PATL2: variants seen among roughly 807,000 people sequenced by gnomAD.
PATL2 encodes the protein PAT1 homolog 2.
Under a neutral mutation model 77.0 loss-of-function variants are expected in PATL2, and 73 were observed. The observed-to-expected ratio is 0.95, with a 90% CI of 0.78 to 1.15. The LOEUF is 1.15. Ranked by LOEUF, PATL2 falls within the 50% of genes most tolerant of loss-of-function variation. The pLI is 0.00. For synonymous variants in PATL2, 265 were observed against 257.1 expected (o/e 1.03, Z -0.29); for missense variants, 618 against 655.4 (o/e 0.94, Z 0.62).
In PATL2 at chr15:44,673,224, C is replaced by T. The variant is rs1158909310; in HGVS notation, c.446+11G>A. 6.4e-7 allele frequency: 1 copy of T among 1,550,952 alleles called. No homozygotes were observed. Among genetic ancestry groups the T allele is most frequent in the Non-Finnish European group, 8.7e-7 (1 of 1,146,848 alleles). Reference sequence around the variant, plus strand: ...CTCCTGAGACCTCTGGGGAGAACCTCAAACCAGTACCTGAACCTAGGGGGC... The same window carrying T: ...CTCCTGAGACCTCTGGGGAGAACCTTAAACCAGTACCTGAACCTAGGGGGC... On this transcript the variant is annotated intron_variant, in intron 7 of 17. Transcript: ENST00000682850.
intron 3 of PATL2, among the ~76,000 whole-genome samples, chr15:44,699,977 T>C: frequency 6.6e-6 from 1 of 152,216 alleles, no homozygotes; most frequent in East Asian, 1.9e-4. Context: ...GTTTTGGCTG[T>C]TCTGGGCCTT....
intron 3 of PATL2, among the ~76,000 whole-genome samples, chr15:44,700,287 A>G (rs1028229626): frequency 1.3e-5 from 2 of 151,574 alleles, no homozygotes; most frequent in African/African-American, 2.4e-5. Flanking sequence ...CTGTACGTTG[A>G]TTTTCTTTTT....
rs573419363 is a variant in PATL2, at chr15:44,677,601, G to A, written c.-75-1036C>T. 5.9e-5 allele frequency among the ~76,000 whole-genome samples: 9 copies of A among 152,204 alleles called. No individual in the cohort carries two copies. The South Asian group carries it at 1.7e-3, about 28-fold the overall frequency. ...TCATCTAACCCTCAAGCAACCCTGG[G>A]TTCTGTGCCCACATCCTGTGTTCAG... On this transcript the variant is annotated intron_variant, in intron 3 of 17. Transcript: ENST00000682850.
intron 5 of PATL2, 153 bp downstream of exon 5, chr15:44,675,333 A>G: frequency 1.2e-6 from 1 of 802,896 alleles, no homozygotes; most frequent in Non-Finnish European, 1.9e-6. Flanking sequence ...GGAAGGAGAG[A>G]GTCCCTAACT....
At chr15:44,709,671 C>T (rs2086811436) in intron 3 of PATL2, among the ~76,000 whole-genome samples, 1 of 152,092 alleles carries the variant, frequency 6.6e-6, no homozygotes, top group South Asian at 2.1e-4. Context: ...AATGGTAAGT[C>T]CAAGAAAAAT....
Position 44,669,604 on chromosome 15 carries a change from T to G in PATL2, c.877-41A>C, listed in dbSNP as rs1011733072. ...CACCAGCTATCAGCTACACTGCCAC[T>G]GCCACAGCCCTAGCCCAGGCCCCCA... is the stretch of plus-strand genomic sequence containing the variant. On this transcript the variant is annotated intron_variant, in intron 11 of 17. Transcript: ENST00000682850. 7.8e-6 allele frequency: 12 copies of G among 1,544,964 alleles called. No individual in the cohort carries two copies. The Admixed American group carries it at 1.2e-4, about 15-fold the overall frequency.
In PATL2 at chr15:44,672,434, G is replaced by T. The variant is rs1195851630; in HGVS notation, c.469C>A (p.Arg157=). Residue 157 remains arginine (R), a synonymous_variant, in exon 8 of 18, where the codon CGG becomes AGG. Coordinates refer to ENST00000682850, the MANE Select transcript of PATL2 (RefSeq NM_001387263.1). Reference sequence around the variant, plus strand: ...TGCTGCTGCAAGATTCGTTGGTGCCGAGGGTGGAGCTGGGTCAGATGACTG... The same window carrying T: ...TGCTGCTGCAAGATTCGTTGGTGCCTAGGGTGGAGCTGGGTCAGATGACTG... ...RFSHLTQLHP[R]HQRILQQQQH... is the part of the protein sequence containing the mutation. 3.9e-6 allele frequency: 6 copies of T among 1,551,556 alleles called. No individual in the cohort carries two copies. Among genetic ancestry groups the T allele is most frequent in the Admixed American group, 3.9e-5 (2 of 50,982 alleles).
intron 4 of PATL2, 77 bp from the exon 5 acceptor site, chr15:44,675,768 A>C: frequency 8.0e-7 from 1 of 1,256,054 alleles, no homozygotes; most frequent in Non-Finnish European, 1.1e-6. Flanking sequence ...GCTGCTACTC[A>C]ATAGCACTTC....
At chr15:44,671,362 G>A (rs925664965) in intron 9 of PATL2, among the ~76,000 whole-genome samples, 9 of 152,258 alleles carry the variant, frequency 5.9e-5, no homozygotes, top group Admixed American at 2.6e-4. Flanking sequence ...GGTGGTGCAT[G>A]CCTGTGATCC....
At chr15:44,672,349 A>G in intron 8 of PATL2, 39 bp downstream of exon 8, 4 of 1,543,208 alleles carry the variant, frequency 2.6e-6, no homozygotes, top group Non-Finnish European at 3.5e-6. Flanking sequence ...CGGCATGCAA[A>G]TGGGCTCCCC....
chr15:44,679,082 GAGAC>G (rs1331687985), intron 3 of PATL2, among the ~76,000 whole-genome samples: 1 of 152,006 alleles, frequency 6.6e-6, no homozygotes, highest in East Asian at 1.9e-4. Flanking sequence ...TGTTTATTTT[GAGAC>G]AGAGTCTTGC....
At chr15:44,692,885 C>A (rs2086422855) in intron 3 of PATL2, among the ~76,000 whole-genome samples, 1 of 152,240 alleles carries the variant, frequency 6.6e-6, no homozygotes, top group Non-Finnish European at 1.5e-5. Context: ...GCCTGTGATT[C>A]TCATGTGATG....
intron 3 of PATL2, among the ~76,000 whole-genome samples, chr15:44,680,637 G>C (rs967325658): frequency 5.9e-5 from 9 of 152,204 alleles, no homozygotes; most frequent in African/African-American, 2.2e-4. Context: ...GAAATATCAG[G>C]ATGTGTCCAC....
At chr15:44,693,060 G>T (rs761873285) in intron 3 of PATL2, among the ~76,000 whole-genome samples, 1 of 152,212 alleles carries the variant, frequency 6.6e-6, no homozygotes, top group Non-Finnish European at 1.5e-5. Flanking sequence ...AGAATGCTCT[G>T]TGTAGCCAGA....
chr15:44,678,893 G>A (rs2086062350), intron 3 of PATL2, among the ~76,000 whole-genome samples: 1 of 152,054 alleles, frequency 6.6e-6, no homozygotes, highest in African/African-American at 2.4e-5. Flanking sequence ...TTCTTTAATA[G>A]CAGTAGATCT....
At chr15:44,690,361 C>T (rs1393298265) in intron 3 of PATL2, among the ~76,000 whole-genome samples, 6 of 149,066 alleles carry the variant, frequency 4.0e-5, no homozygotes, top group Non-Finnish European at 8.9e-5. Context: ...TTTTTTGAGA[C>T]TGGGTCTCAC....
In PATL2 at chr15:44,668,358, A is replaced by T. The variant is rs1332983215; in HGVS notation, c.1349T>A (p.Val450Glu). 6.4e-7 allele frequency: 1 copy of T among 1,550,854 alleles called. No homozygotes were observed. The highest frequency in any genetic ancestry group is 1.4e-5 in the African/African-American group (1 of 73,030). Residue 450 changes from valine (V) to glutamate (E), a missense_variant, in exon 15 of 18, where the codon GTG becomes GAG. Transcript: ENST00000682850. ...ACATGTTACCTGATTCTGAAGCACC[A>T]CGGTGACTGGCCGCTCTGAGGAGCC... ...PPGSSERPVTVVLQNQFGISL... is the reference protein window; with the variant it reads ...PPGSSERPVTEVLQNQFGISL...
Position 44,672,082 on chromosome 15 carries a change from C to A in PATL2, c.590G>T (p.Trp197Leu). 6.4e-7 allele frequency: 1 copy of A among 1,551,720 alleles called. No homozygotes were observed. Among genetic ancestry groups the A allele is most frequent in the Non-Finnish European group, 8.7e-7 (1 of 1,146,998 alleles). Residue 197 changes from tryptophan (W) to leucine (L), a missense_variant, in exon 9 of 18, where the codon TGG (tryptophan) becomes TTG (leucine). Trp to Leu is a moderately conservative substitution (Grantham distance 61). Coordinates refer to ENST00000682850, the MANE Select transcript of PATL2 (RefSeq NM_001387263.1). ...ANLMTRKEKD[W>L]VIKVQMVQLQ... ...CTGCACCATCTGCACTTTTATCACCCAGTCCTTCTCTTTTCTGGTCATGAG... is the reference window on the plus strand; with the variant it reads ...CTGCACCATCTGCACTTTTATCACCAAGTCCTTCTCTTTTCTGGTCATGAG...
chr15:44,669,513 C>G lies in PATL2; in HGVS notation c.927G>C (p.Glu309Asp). The G allele has an allele frequency of 6.4e-7, 1 of 1,551,324 alleles. No homozygotes were observed. The highest frequency in any genetic ancestry group is 1.2e-5 in the South Asian group (1 of 84,048). The change falls in exon 12 of 18, where the codon GAG becomes GAC. Residue 309 changes from glutamate (E) to aspartate (D), a missense_variant. Transcript: ENST00000682850. Reference protein sequence around the residue: ...SQRLRVLYRIEKMFLQLLEIE... With the variant: ...SQRLRVLYRIDKMFLQLLEIE... ...CCCTAAGGAACTGATATCTCACCTT[C>G]TCAATCCGGTATAATACCCGAAGCC...
Sources: allele counts gnomAD v4.1 joint callset (sites outside exome capture counted in the v4.1 genomes callset), GRCh38; gene constraint gnomAD v4.1.1; transcripts MANE v1.5; gene names NCBI Gene and HGNC (gene_info 2026-07-23, HGNC 2026-07-21).